Variants in SHANK2 observed in about 807,000 individuals in gnomAD.
SHANK2 encodes the protein SH3 and multiple ankyrin repeat domains 2.
SHANK2 carries 43 observed loss-of-function variants against 133.7 expected under a neutral mutation model. That is an observed-to-expected ratio of 0.32 (90% CI 0.25 to 0.41). The LOEUF (loss-of-function observed/expected upper bound fraction) is 0.41, where lower values mean the gene tolerates loss of function less well. Among genes scored for constraint, SHANK2 ranks in the 10% least tolerant of loss-of-function variants. SHANK2 has a pLI of 1.00. For synonymous variants in SHANK2, 1,017 were observed against 952.8 expected, an observed-to-expected ratio of 1.07 and a Z score of -1.24; for missense variants, 1,994 against 2,235.8, an observed-to-expected ratio of 0.89 and a Z score of 2.18.
intron 10 of SHANK2, among the ~76,000 whole-genome samples, chr11:70,928,115 T>C (rs1950453466): frequency 6.6e-6 from 1 of 152,144 alleles, no homozygotes; most frequent in Non-Finnish European, 1.5e-5. Context: ...ATTGGTTCCA[T>C]TTTTCTAGAG....
chr11:70,516,633 A>G (rs1191227788), intron 17 of SHANK2, among the ~76,000 whole-genome samples: 1 of 152,274 alleles, frequency 6.6e-6, no homozygotes. Flanking sequence ...TAACTCTGCA[A>G]AATGCACTCT....
In SHANK2 at chr11:71,252,116, CG is replaced by C. The variant is rs1372352981; in HGVS notation, c.-113+308del. On this transcript the variant is annotated intron_variant, in intron 1 of 25. Coordinates refer to ENST00000601538, the MANE Select transcript of SHANK2 (RefSeq NM_012309.5). The surrounding 1 kb of genome is among the most constrained non-coding windows in gnomAD (Gnocchi z 6.3). ...TGGTCCATGCGCGCAGGAGATAAAG[CG>C]GGGGCTCCTTCCTGCGCTCTGCCCC... Among the ~76,000 whole-genome samples, 2 of 152,178 alleles carry C rather than the reference CG, an allele frequency of 1.3e-5. No individual in the cohort carries two copies. The highest frequency in any genetic ancestry group is 2.9e-5 in the Non-Finnish European group (2 of 68,008).
At chr11:70,505,048 T>C (rs1204932943) in intron 17 of SHANK2, among the ~76,000 whole-genome samples, 1 of 152,128 alleles carries the variant, frequency 6.6e-6, no homozygotes, top group Non-Finnish European at 1.5e-5. Context: ...TCAGGGAGTT[T>C]TGGCCGACAC....
chr11:71,152,963 CA>C (rs1555108381), intron 2 of SHANK2, among the ~76,000 whole-genome samples: 1 of 152,186 alleles, frequency 6.6e-6, no homozygotes, highest in South Asian at 2.1e-4. Context: ...AGACAAACAA[CA>C]AAGACACTTT....
chr11:70,793,008 A>C (rs551977062), intron 14 of SHANK2, among the ~76,000 whole-genome samples: 1 of 152,330 alleles, frequency 6.6e-6, no homozygotes, highest in East Asian at 1.9e-4. Context: ...ATGAGCCCTG[A>C]TGGCACCACT....
At chr11:70,906,241 T>C (rs1455169077) in intron 10 of SHANK2, among the ~76,000 whole-genome samples, 1 of 152,208 alleles carries the variant, frequency 6.6e-6, no homozygotes, top group Non-Finnish European at 1.5e-5. Flanking sequence ...GGCTGGGACA[T>C]GGGCAGCACA....
At chr11:70,800,495 C>A (rs972318082) in intron 13 of SHANK2, among the ~76,000 whole-genome samples, 3 of 152,208 alleles carry the variant, frequency 2.0e-5, no homozygotes, top group African/African-American at 7.2e-5. Context: ...GAATTATGGC[C>A]CCATAAGTGT....
intron 14 of SHANK2, among the ~76,000 whole-genome samples, chr11:70,768,434 A>T (rs989113211): frequency 1.1e-4 from 16 of 152,122 alleles, no homozygotes; most frequent in Non-Finnish European, 2.2e-4. Flanking sequence ...TGAGGTGAGG[A>T]ATGTGACCCG....
chr11:70,670,456 C>T (rs1466171208), intron 15 of SHANK2, among the ~76,000 whole-genome samples: 3 of 152,200 alleles, frequency 2.0e-5, no homozygotes, highest in Admixed American at 6.5e-5. Flanking sequence ...CTTTGGCCGC[C>T]GGGTGCGGGC....
chr11:70,641,940 G>T (rs1429074584), intron 17 of SHANK2, among the ~76,000 whole-genome samples: 1 of 152,220 alleles, frequency 6.6e-6, no homozygotes, highest in Non-Finnish European at 1.5e-5. Flanking sequence ...TCTGGGCAAG[G>T]GTTGCACTAG....
intron 21 of SHANK2, among the ~76,000 whole-genome samples, chr11:70,494,192 C>T (rs1379109809): frequency 2.6e-5 from 4 of 152,216 alleles, no homozygotes; most frequent in Admixed American, 6.5e-5. Flanking sequence ...ACGTACACAA[C>T]TCTGACACCT....
chr11:71,113,228 A>C (rs948240954), intron 5 of SHANK2, 65 bp downstream of exon 5: 7 of 1,397,416 alleles, frequency 5.0e-6, no homozygotes, highest in Non-Finnish European at 7.0e-6. Flanking sequence ...TAAAGATAAC[A>C]CAACAAGATA....
intron 15 of SHANK2, among the ~76,000 whole-genome samples, chr11:70,685,492 C>G (rs1213998945): frequency 6.6e-6 from 1 of 152,148 alleles, no homozygotes; most frequent in Non-Finnish European, 1.5e-5. Flanking sequence ...CTAAGCCCTG[C>G]TTGTTGGTTG....
chr11:70,828,004 T>C (rs1590733118), intron 11 of SHANK2, among the ~76,000 whole-genome samples: 1 of 152,078 alleles, frequency 6.6e-6, no homozygotes, highest in African/African-American at 2.4e-5. Context: ...CTTGGCCGGG[T>C]GCGGTGGCTC....
intron 14 of SHANK2, among the ~76,000 whole-genome samples, chr11:70,781,561 TA>T (rs1565311747): frequency 5.7e-5 from 6 of 105,032 alleles, no homozygotes; most frequent in African/African-American, 2.1e-4. Context: ...TTACTTATTA[TA>T]TATATATATA....
chr11:70,762,448 T>C (rs1296664315), intron 14 of SHANK2, among the ~76,000 whole-genome samples: 1 of 152,044 alleles, frequency 6.6e-6, no homozygotes, highest in Non-Finnish European at 1.5e-5. Flanking sequence ...TTTGAGTCTG[T>C]ATTCTGGAGT....
At chr11:70,553,683 G>T (rs545662784) in intron 17 of SHANK2, among the ~76,000 whole-genome samples, 2 of 152,220 alleles carry the variant, frequency 1.3e-5, no homozygotes, top group Non-Finnish European at 2.9e-5. Flanking sequence ...TCAGCAAGAC[G>T]CTTCTCCTCT....
chr11:70,906,401 C>T (rs1372191436), intron 10 of SHANK2, among the ~76,000 whole-genome samples: 2 of 152,168 alleles, frequency 1.3e-5, no homozygotes, highest in African/African-American at 4.8e-5. Flanking sequence ...AGGTAGAGCC[C>T]AGGCGAGGGT....
At chr11:70,651,129 G>A (rs1011490242) in intron 17 of SHANK2, among the ~76,000 whole-genome samples, 1 of 152,212 alleles carries the variant, frequency 6.6e-6, no homozygotes, top group Non-Finnish European at 1.5e-5. Context: ...CTGTGCCCTT[G>A]ACCGCGGCTC....
Sources: gnomAD v4.1 joint callset for allele counts (sites outside exome capture counted in the v4.1 genomes callset) on GRCh38, gnomAD v4.1.1 for gene constraint, Gnocchi (gnomAD v3.1) non-coding constraint, MANE v1.5 for transcripts, NCBI Gene and HGNC (gene_info 2026-07-23, HGNC 2026-07-21) for gene names.